The following TMEM232 variants were observed in gnomAD, a reference collection of about 807,000 sequenced individuals.
TMEM232 encodes the protein transmembrane protein 232.
Under a neutral mutation model 78.8 loss-of-function variants are expected in TMEM232, and 80 were observed. The ratio of observed to expected loss-of-function variants is 1.01; its 90% confidence interval spans 0.85 to 1.22. The LOEUF (loss-of-function observed/expected upper bound fraction) is 1.22. Among genes scored for constraint, TMEM232 ranks in the 50% most tolerant of loss-of-function variants. TMEM232 has a pLI of 0.00. For missense variants in TMEM232, 881 were observed against 742.2 expected (o/e 1.19, Z -2.17); for synonymous variants, 297 against 254.3 (o/e 1.17, Z -1.60).
At chr5:110,567,050 T>A (rs1477380189) in intron 11 of TMEM232, among the ~76,000 whole-genome samples, 1 of 151,784 alleles carries the variant, frequency 6.6e-6, no homozygotes, top group Non-Finnish European at 1.5e-5. Flanking sequence ...TCAGATCTCA[T>A]GAGACTTATT....
chr5:110,601,177 T>A (rs1180770892), intron 10 of TMEM232, among the ~76,000 whole-genome samples: 1 of 152,108 alleles, frequency 6.6e-6, no homozygotes, highest in Admixed American at 6.5e-5. Flanking sequence ...GAGCCATCAG[T>A]AACAAACTCA....
intron 1 of TMEM232, among the ~76,000 whole-genome samples, chr5:110,701,997 G>A (rs1795480992): frequency 6.6e-6 from 1 of 151,948 alleles, no homozygotes; most frequent in East Asian, 1.9e-4. Context: ...TAGAATTCTT[G>A]TATACCCCAC....
At chr5:110,442,935 G>A (rs1375242170) in intron 12 of TMEM232, among the ~76,000 whole-genome samples, 1 of 152,098 alleles carries the variant, frequency 6.6e-6, no homozygotes, top group Non-Finnish European at 1.5e-5. Context: ...CCCAACAAAT[G>A]GAGGCTCTCT....
chr5:110,528,258 A>T (rs1220991812), intron 12 of TMEM232, among the ~76,000 whole-genome samples: 5 of 151,952 alleles, frequency 3.3e-5, no homozygotes, highest in African/African-American at 1.2e-4. Flanking sequence ...TCAAATATGT[A>T]TATATATGTA....
At chr5:110,704,403 T>C (rs1330993397) in intron 1 of TMEM232, among the ~76,000 whole-genome samples, 1 of 152,126 alleles carries the variant, frequency 6.6e-6, no homozygotes, top group Non-Finnish European at 1.5e-5. Context: ...ACCTCTAAGA[T>C]TCCTGAGCCC....
intron 10 of TMEM232, among the ~76,000 whole-genome samples, chr5:110,571,278 T>C (rs903150653): frequency 3.9e-5 from 6 of 152,062 alleles, no homozygotes; most frequent in Non-Finnish European, 5.9e-5. Context: ...ACATAGTAGA[T>C]CTAATTTATA....
At chr5:110,473,168 GA>G (rs1055224970) in intron 12 of TMEM232, among the ~76,000 whole-genome samples, 4 of 151,616 alleles carry the variant, frequency 2.6e-5, no homozygotes, top group Non-Finnish European at 5.9e-5. Flanking sequence ...TCGAATGGGA[GA>G]AAATTTTTGC....
chr5:110,474,713 A>T (rs1366325838), intron 12 of TMEM232, among the ~76,000 whole-genome samples: 2 of 152,014 alleles, frequency 1.3e-5, no homozygotes, highest in Non-Finnish European at 2.9e-5. Flanking sequence ...AAGTTGCTAT[A>T]GAAACAGTTA....
At chr5:110,470,771 G>T (rs1295990562) in intron 12 of TMEM232, among the ~76,000 whole-genome samples, 1 of 152,118 alleles carries the variant, frequency 6.6e-6, no homozygotes, top group Non-Finnish European at 1.5e-5. Context: ...CTAAAGTTTA[G>T]AAGTGGTGAT....
At chr5:110,529,321 C>T (rs1280169766) in intron 11 of TMEM232, among the ~76,000 whole-genome samples, 3 of 152,038 alleles carry the variant, frequency 2.0e-5, no homozygotes, top group Non-Finnish European at 2.9e-5. Context: ...TCTTGGCTCA[C>T]TGCAACCTCC....
At chr5:110,447,150 TGTATATATATATATTTATA>T (rs1057028915) in intron 12 of TMEM232, among the ~76,000 whole-genome samples, 36 of 150,602 alleles carry the variant, frequency 2.4e-4, no homozygotes, top group Admixed American at 7.3e-4. Context: ...CATATATATG[TGTATATATATATATTTATA>T]ATTAGCTTTT....
chr5:110,599,742 A>C (rs1458322336), intron 10 of TMEM232, among the ~76,000 whole-genome samples: 1 of 152,184 alleles, frequency 6.6e-6, no homozygotes, highest in Admixed American at 6.6e-5. Context: ...CCCACTGTCA[A>C]TATTAGACAG....
chr5:110,572,479 A>G (rs188306534), intron 10 of TMEM232, among the ~76,000 whole-genome samples: 89 of 152,196 alleles, frequency 5.8e-4, no homozygotes, highest in Non-Finnish European at 8.2e-4. Flanking sequence ...ACAGACTCTC[A>G]ACATTAACAC....
chr5:110,395,028 G>A (rs1755333512), intron 3 of TMEM232, among the ~76,000 whole-genome samples: 1 of 152,140 alleles, frequency 6.6e-6, no homozygotes, highest in African/African-American at 2.4e-5. Flanking sequence ...TCTGAGTCTT[G>A]TGGGTTAGGT....
intron 1 of TMEM232, among the ~76,000 whole-genome samples, chr5:110,726,199 TAATA>T (rs1475452982): frequency 1.3e-5 from 2 of 150,144 alleles, no homozygotes; most frequent in African/African-American, 4.9e-5. Flanking sequence ...ACTAAATAAA[TAATA>T]AATAAATAAA....
At chr5:110,624,612 C>A (rs1489776809) in intron 7 of TMEM232, among the ~76,000 whole-genome samples, 1 of 152,012 alleles carries the variant, frequency 6.6e-6, no homozygotes, top group Non-Finnish European at 1.5e-5. Flanking sequence ...GTAATTATAA[C>A]CAGAAGGCTC....
At chr5:110,709,188 T>C (rs557253915) in intron 1 of TMEM232, among the ~76,000 whole-genome samples, 34 of 152,110 alleles carry the variant, frequency 2.2e-4, no homozygotes, top group African/African-American at 7.5e-4. Context: ...GATATAAAAA[T>C]TGGAAATATA....
chr5:110,441,753 G>C (rs1759068551), intron 12 of TMEM232, among the ~76,000 whole-genome samples: 1 of 152,162 alleles, frequency 6.6e-6, no homozygotes, highest in Non-Finnish European at 1.5e-5. Flanking sequence ...CAGCCAGAGA[G>C]GTGCTAAGGT....
chr5:110,503,172 G>A (rs1353985813), intron 12 of TMEM232, among the ~76,000 whole-genome samples: 1 of 152,120 alleles, frequency 6.6e-6, no homozygotes, highest in East Asian at 1.9e-4. Context: ...AGACTGTCTT[G>A]TCTCCAATGT....
Sources: allele counts gnomAD v4.1 joint callset (sites outside exome capture counted in the v4.1 genomes callset), GRCh38; gene constraint gnomAD v4.1.1; transcripts MANE v1.5; gene names NCBI Gene and HGNC (gene_info 2026-07-23, HGNC 2026-07-21).